Variants in COL4A1 observed in about 807,000 individuals in gnomAD.
The protein encoded by COL4A1 is collagen alpha-1(IV) chain.
A neutral mutation model predicts 216.6 loss-of-function variants in COL4A1; 40 were observed. That is an observed-to-expected ratio of 0.18 (90% CI 0.14 to 0.24). The LOEUF is 0.24. Ranked by LOEUF, COL4A1 falls within the 10% of genes least tolerant of loss-of-function variation. COL4A1 has a pLI of 1.00. For missense variants in COL4A1, 1,628 were observed against 2,196.8 expected (o/e 0.74, Z 5.18); for synonymous variants, 839 against 810.7 (o/e 1.03, Z -0.59).
chr13:110,273,180 T>C (rs368167927), intron 1 of COL4A1, among the ~76,000 whole-genome samples: 1 of 152,234 alleles, frequency 6.6e-6, no homozygotes, highest in Admixed American at 6.5e-5. Flanking sequence ...ATCACTCACA[T>C]GAATTCAGCA....
At chr13:110,234,607 G>T (rs1177150927) in intron 2 of COL4A1, among the ~76,000 whole-genome samples, 1 of 151,918 alleles carries the variant, frequency 6.6e-6, no homozygotes, top group Non-Finnish European at 1.5e-5. Flanking sequence ...AAAAACAGGG[G>T]GGCGTTCAAA....
At chr13:110,237,663 G>A (rs1881382858) in intron 2 of COL4A1, among the ~76,000 whole-genome samples, 1 of 152,210 alleles carries the variant, frequency 6.6e-6, no homozygotes, top group African/African-American at 2.4e-5. Context: ...CCAAGATACA[G>A]TCTCTTTCTC....
chr13:110,175,028 C>T (rs753485767), intron 37 of COL4A1, among the ~76,000 whole-genome samples, 190 bp downstream of exon 37: 4 of 152,152 alleles, frequency 2.6e-5, no homozygotes, highest in Non-Finnish European at 5.9e-5. Context: ...AGCCTCTCAC[C>T]AGTCTCTAGA....
intron 12 of COL4A1, among the ~76,000 whole-genome samples, chr13:110,208,443 G>T (rs1174198556): frequency 1.3e-5 from 2 of 152,184 alleles, no homozygotes; most frequent in African/African-American, 4.8e-5. Flanking sequence ...AGGGGCCGCT[G>T]CCCACCGTGC....
At chr13:110,299,289 C>T (rs186087025) in intron 1 of COL4A1, among the ~76,000 whole-genome samples, 165 of 152,316 alleles carry the variant, frequency 1.1e-3, no homozygotes, top group African/African-American at 2.9e-3. Flanking sequence ...TCTCGGCATA[C>T]CCCACACCTC....
At chr13:110,248,379 C>G (rs2772176) in intron 1 of COL4A1, among the ~76,000 whole-genome samples, 1 of 158 alleles carries the variant, frequency 6.3e-3, no homozygotes, top group African/African-American at 0.019. Flanking sequence ...TGGGCCCTGG[C>G]CCCTGGCCCC....
chr13:110,252,033 CT>C (rs559283748), intron 1 of COL4A1, among the ~76,000 whole-genome samples: 4 of 151,916 alleles, frequency 2.6e-5, no homozygotes, highest in East Asian at 1.9e-4. Flanking sequence ...AAATAAATTA[CT>C]TTTTTTTGAG....
intron 24 of COL4A1, among the ~76,000 whole-genome samples, chr13:110,189,584 G>A (rs573126103): frequency 4.6e-5 from 7 of 152,304 alleles, no homozygotes; most frequent in African/African-American, 1.7e-4. Flanking sequence ...TGGGTCCCAG[G>A]AAAGGCAACA....
intron 2 of COL4A1, among the ~76,000 whole-genome samples, chr13:110,228,829 C>T (rs969536866): frequency 4.6e-5 from 7 of 152,232 alleles, no homozygotes; most frequent in African/African-American, 1.4e-4. Flanking sequence ...GTCCACTTCA[C>T]ATGCCCAGAT....
chr13:110,161,833 T>C, intron 48 of COL4A1: 2 of 325,282 alleles, frequency 6.1e-6, no homozygotes, highest in Non-Finnish European at 1.2e-5. Context: ...TCAGCAGCTG[T>C]AGAGAATTTC....
intron 24 of COL4A1, among the ~76,000 whole-genome samples, chr13:110,188,158 G>T (rs1312078157): frequency 6.6e-6 from 1 of 152,224 alleles, no homozygotes; most frequent in Non-Finnish European, 1.5e-5. Context: ...TCCAACAATT[G>T]TCCCATTGAC....
intron 26 of COL4A1, among the ~76,000 whole-genome samples, chr13:110,184,321 T>A (rs543571643): frequency 3.2e-4 from 48 of 152,124 alleles, no homozygotes; most frequent in Non-Finnish European, 6.2e-4. Flanking sequence ...AAAAGCTAAT[T>A]CCCTTCGACA....
chr13:110,205,339 G>T lies in COL4A1; in HGVS notation c.957+14C>A. ...AAAGTGAAGATAAAGGCTCACAATA[G>T]TGCCAGCGTTTACCTGCGGGCCCTG... On this transcript the variant is annotated intron_variant, in intron 17 of 51. Transcript: ENST00000375820. The T allele has an allele frequency of 6.2e-7, 1 of 1,613,960 alleles. No homozygotes were observed. Among genetic ancestry groups the T allele is most frequent in the Non-Finnish European group, 8.5e-7 (1 of 1,179,928 alleles).
chr13:110,164,525 A>G (rs1285865210), intron 46 of COL4A1, among the ~76,000 whole-genome samples: 3 of 152,146 alleles, frequency 2.0e-5, no homozygotes, highest in Non-Finnish European at 4.4e-5. Context: ...GATTTTTACC[A>G]TTCCAGATTG....
intron 22 of COL4A1, among the ~76,000 whole-genome samples, 160 bp downstream of exon 22, chr13:110,194,863 G>A (rs2139182642): frequency 6.6e-6 from 1 of 152,266 alleles, no homozygotes; most frequent in African/African-American, 2.4e-5. Flanking sequence ...AGTTCCGGAA[G>A]ATGCTTATTC....
At chr13:110,155,543 C>A in intron 49 of COL4A1, 146 bp from the exon 50 acceptor site, 1 of 708,124 alleles carries the variant, frequency 1.4e-6, no homozygotes, top group Non-Finnish European at 2.6e-6. Flanking sequence ...GTGCCCATTG[C>A]TTAGACTCTG....
intron 1 of COL4A1, among the ~76,000 whole-genome samples, chr13:110,279,412 T>C (rs1470545381): frequency 2.6e-5 from 4 of 152,158 alleles, no homozygotes; most frequent in African/African-American, 4.8e-5. Context: ...GTTGGTTTCA[T>C]TGTGATATCA....
intron 31 of COL4A1, 73 bp downstream of exon 31, chr13:110,178,850 C>G (rs1566353176): frequency 8.7e-7 from 1 of 1,145,794 alleles, no homozygotes; most frequent in African/African-American, 1.5e-5. Context: ...TTTATAGGGA[C>G]CCCGGCCTCA....
At chr13:110,193,687 T>C (rs1013494950) in intron 22 of COL4A1, among the ~76,000 whole-genome samples, 26 of 152,222 alleles carry the variant, frequency 1.7e-4, no homozygotes, top group African/African-American at 5.8e-4. Flanking sequence ...GGCACTGCTA[T>C]TGCCCACTCT....
Sources: gnomAD v4.1 joint callset for allele counts (sites outside exome capture counted in the v4.1 genomes callset) on GRCh38, gnomAD v4.1.1 for gene constraint, MANE v1.5 for transcripts, NCBI Gene and HGNC (gene_info 2026-07-23, HGNC 2026-07-21) for gene names.